Variants in CDYL2 observed in about 807,000 individuals in gnomAD.
CDYL2 encodes the protein chromodomain Y like 2.
Under a neutral mutation model 49.4 loss-of-function variants are expected in CDYL2, and 23 were observed. The observed-to-expected ratio is 0.47, with a 90% confidence interval of 0.34 to 0.66. The LOEUF (loss-of-function observed/expected upper bound fraction) is 0.66, where lower values mean the gene tolerates loss of function less well. Ranked by LOEUF, CDYL2 falls within the 30% of genes least tolerant of loss-of-function variation. The probability of loss-of-function intolerance (pLI) is 0.01; values close to 1 mark genes in which losing one functional copy is unlikely to be tolerated. For missense variants in CDYL2, 678 were observed against 656.4 expected (o/e 1.03, Z -0.36); for synonymous variants, 360 against 268.8 (o/e 1.34, Z -3.32).
chr16:80,669,160 A>C (rs769213239), intron 2 of CDYL2, among the ~76,000 whole-genome samples: 4 of 151,944 alleles, frequency 2.6e-5, no homozygotes, highest in Non-Finnish European at 5.9e-5. Context: ...AACACAAGCA[A>C]AAGTAAAGGA....
chr16:80,774,161 T>C (rs1907002235), intron 1 of CDYL2, among the ~76,000 whole-genome samples: 1 of 151,754 alleles, frequency 6.6e-6, no homozygotes, highest in African/African-American at 2.4e-5. Context: ...AAATCAGAAG[T>C]GACAAAAACA....
intron 1 of CDYL2, among the ~76,000 whole-genome samples, chr16:80,760,765 A>T (rs1022043380): frequency 6.6e-6 from 1 of 151,882 alleles, no homozygotes; most frequent in Non-Finnish European, 1.5e-5. Flanking sequence ...CAGAGGGGGC[A>T]GTCCATCTAG....
chr16:80,740,086 C>A (rs1905682371), intron 1 of CDYL2, among the ~76,000 whole-genome samples: 1 of 152,150 alleles, frequency 6.6e-6, no homozygotes, highest in African/African-American at 2.4e-5. Flanking sequence ...ACTTACAGGT[C>A]TCTAACTCAG....
chr16:80,645,320 C>T lies in CDYL2; in HGVS notation c.617-12084G>A, dbSNP rs534271718. 6.6e-5 allele frequency among the ~76,000 whole-genome samples: 10 copies of T among 152,134 alleles called. No individual in the cohort carries two copies. In the East Asian group the frequency reaches 1.4e-3, roughly 21 times the overall value. On this transcript the variant is annotated intron_variant, in intron 2 of 6. Transcript: ENST00000570137. The stretch of plus-strand genomic sequence containing the variant: ...AAAAACAACCCCATCAACAAGTGGG[C>T]GAAGGATATGAACACACACTTCTCA...
rs1339522446 is a variant in CDYL2 at position 80,600,352 on chromosome 16, G to C, written c.*4036C>G. 6.6e-6 allele frequency: 1 copy of C among 152,032 alleles called. No homozygotes were observed. The highest frequency in any genetic ancestry group is 2.4e-5 in the African/African-American group (1 of 41,406). 9.4% of individuals were successfully genotyped at this position (152,032 alleles called of 1,614,324 possible). A position where few individuals can be genotyped will look rare whatever the true frequency, so the allele number is the denominator to read the frequency against. On this transcript the variant is annotated 3_prime_UTR_variant, in exon 7 of 7. Coordinates refer to ENST00000570137, the MANE Select transcript of CDYL2 (RefSeq NM_152342.4). ...CCTAACTTATCACAGAAATATAAAAGTTTATATTTTGAAAATATATACTGT... is the reference window on the plus strand; with the variant it reads ...CCTAACTTATCACAGAAATATAAAACTTTATATTTTGAAAATATATACTGT...
chr16:80,796,846 A>G (rs568518536), intron 1 of CDYL2, among the ~76,000 whole-genome samples: 1 of 152,182 alleles, frequency 6.6e-6, no homozygotes, highest in African/African-American at 2.4e-5. Flanking sequence ...ATCACACTGC[A>G]ATCAAGCCAT....
intron 2 of CDYL2, among the ~76,000 whole-genome samples, chr16:80,639,168 T>C (rs1205075674): frequency 6.6e-6 from 1 of 152,150 alleles, no homozygotes; most frequent in Non-Finnish European, 1.5e-5. Flanking sequence ...CTACACACAT[T>C]AGACTAGCTA....
chr16:80,770,304 A>G (rs1906863585), intron 1 of CDYL2, among the ~76,000 whole-genome samples: 1 of 152,306 alleles, frequency 6.6e-6, no homozygotes, highest in South Asian at 2.1e-4. Flanking sequence ...TATACTTCAG[A>G]AAACTATGTA....
intron 1 of CDYL2, among the ~76,000 whole-genome samples, chr16:80,758,034 C>A (rs1482144457): frequency 1.3e-5 from 2 of 151,894 alleles, no homozygotes; most frequent in East Asian, 3.8e-4. Flanking sequence ...ATAAGGCATT[C>A]CAATACAGAG....
rs552079251 is a variant in CDYL2, at chr16:80,666,538, G to C, written c.616+18000C>G. Among the ~76,000 whole-genome samples, 3 of 151,864 alleles carry C rather than the reference G, an allele frequency of 2.0e-5. No individual in the cohort carries two copies. The South Asian group carries it at 6.2e-4, about 32-fold the overall frequency. On this transcript the variant is annotated intron_variant, in intron 2 of 6. Transcript: ENST00000570137. The stretch of plus-strand genomic sequence containing the variant: ...TCTACTGTGGCTTCGTGAATATAAA[G>C]GGAAGAGGAACACAGCAAGCAGGGC...
chr16:80,766,525 A>G (rs1906731224), intron 1 of CDYL2, among the ~76,000 whole-genome samples: 1 of 152,284 alleles, frequency 6.6e-6, no homozygotes, highest in South Asian at 2.1e-4. Flanking sequence ...TAGGGGAAAA[A>G]AGGACTGTAA....
intron 2 of CDYL2, among the ~76,000 whole-genome samples, chr16:80,650,056 A>T (rs1013104552): frequency 3.3e-5 from 5 of 152,184 alleles, no homozygotes; most frequent in Admixed American, 2.0e-4. Context: ...ACATTGGTCT[A>T]CGCAAAAATT....
intron 1 of CDYL2, among the ~76,000 whole-genome samples, chr16:80,735,813 T>G (rs1905502847): frequency 6.6e-6 from 1 of 152,198 alleles, no homozygotes; most frequent in Non-Finnish European, 1.5e-5. Flanking sequence ...AAACCTGCAG[T>G]CAGGGAGCTG....
chr16:80,698,993 T>C (rs1260958367), intron 1 of CDYL2, among the ~76,000 whole-genome samples: 3 of 151,826 alleles, frequency 2.0e-5, no homozygotes, highest in Non-Finnish European at 4.4e-5. Context: ...ATGGCTATTA[T>C]CAAAAAAACA....
chr16:80,672,350 C>CACACACACACAGAG (rs1555528932), intron 2 of CDYL2, among the ~76,000 whole-genome samples: 1 of 103,774 alleles, frequency 9.6e-6, no homozygotes, highest in Non-Finnish European at 2.5e-5. Flanking sequence ...CACACACACA[C>CACACACACACAGAG]ACAGAGAGAG....
intron 2 of CDYL2, among the ~76,000 whole-genome samples, chr16:80,652,454 A>T (rs985797614): frequency 2.0e-5 from 3 of 152,246 alleles, no homozygotes; most frequent in African/African-American, 7.2e-5. Context: ...TAAATGATTG[A>T]ATAAATAAAT....
chr16:80,798,977 T>A (rs2142423896), intron 1 of CDYL2, among the ~76,000 whole-genome samples: 1 of 152,142 alleles, frequency 6.6e-6, no homozygotes, highest in South Asian at 2.1e-4. Flanking sequence ...CACAAAATAA[T>A]ATTTTAGCAT....
chr16:80,733,780 T>C (rs1905417321), intron 1 of CDYL2, among the ~76,000 whole-genome samples: 1 of 152,218 alleles, frequency 6.6e-6, no homozygotes, highest in Admixed American at 6.5e-5. Context: ...TGATTGCCTT[T>C]AACCAGAACT....
intron 1 of CDYL2, among the ~76,000 whole-genome samples, chr16:80,704,334 C>G (rs572461147): frequency 1.2e-4 from 19 of 152,308 alleles, no homozygotes; most frequent in Middle Eastern, 3.4e-3. Context: ...CTCTCAGAAC[C>G]AATACCAAAG....
Sources: gnomAD v4.1 joint callset for allele counts (sites outside exome capture counted in the v4.1 genomes callset) on GRCh38, gnomAD v4.1.1 for gene constraint, MANE v1.5 for transcripts, NCBI Gene and HGNC (gene_info 2026-07-23, HGNC 2026-07-21) for gene names.